The following KALRN variants were observed in gnomAD, a reference collection of about 807,000 sequenced individuals.
The protein encoded by KALRN is kalirin.
Under a neutral mutation model 353.7 loss-of-function variants are expected in KALRN, and 70 were observed. The observed-to-expected ratio is 0.20, with a 90% CI of 0.16 to 0.24. The LOEUF is 0.24. Ranked by LOEUF, KALRN falls within the 10% of genes least tolerant of loss-of-function variation. KALRN has a pLI of 1.00. For synonymous variants in KALRN, 1,391 were observed against 1,434.8 expected, an observed-to-expected ratio of 0.97 and a Z score of 0.69; for missense variants, 2,791 against 3,756.7, an observed-to-expected ratio of 0.74 and a Z score of 6.72.
At chr3:124,678,522 T>C (rs1559836741) in intron 50 of KALRN, 3 of 406,044 alleles carry the variant, frequency 7.4e-6, no homozygotes, top group Non-Finnish European at 8.8e-6. Context: ...AGTAAGTACC[T>C]TTTTTTTCTT....
rs541682796 is a variant in KALRN at position 124,267,287 on chromosome 3, G to T, written c.457-1456G>T. ...GAAGGAGAAAGTACTTTGGAATAGG[G>T]TTTCTCAAGTTTAATGCACACAAAT... is the stretch of plus-strand genomic sequence containing the variant. On this transcript the variant is annotated intron_variant, in intron 4 of 59. Transcript: ENST00000682506. Among the ~76,000 whole-genome samples, 17 of 152,280 alleles carry T rather than the reference G, an allele frequency of 1.1e-4. No homozygotes were observed. The South Asian group carries it at 2.7e-3, about 24-fold the overall frequency.
Position 124,674,433 on chromosome 3 carries a change from A to T in KALRN, c.7012A>T (p.Asn2338Tyr). 1.2e-6 allele frequency: 2 copies of T among 1,613,972 alleles called. No homozygotes were observed. Among genetic ancestry groups the T allele is most frequent in the Non-Finnish European group, 1.7e-6 (2 of 1,180,000 alleles). ...CAAAGATTACTATGCACTGAAGGAG[A>T]ATGAAATCTGTGTGAGCCAAGGTGA... The part of the protein sequence containing the change: ...VIKDYYALKE[N>Y]EICVSQGEVV... The change falls in exon 49 of 60, where the codon AAT (asparagine) becomes TAT (tyrosine). Residue 2338 changes from asparagine (N) to tyrosine (Y), a missense_variant. By Grantham distance (143) the Asn-to-Tyr change is moderately radical (BLOSUM62 -2). Coordinates refer to ENST00000682506, the MANE Select transcript of KALRN (RefSeq NM_001388419.1).
At chr3:124,320,759 C>A (rs2079249133) in intron 6 of KALRN, among the ~76,000 whole-genome samples, 2 of 152,184 alleles carry the variant, frequency 1.3e-5, no homozygotes, top group South Asian at 2.1e-4. Flanking sequence ...TTGGCTGATT[C>A]TGAATCCTCT....
At chr3:124,526,864 A>G (rs527557191) in intron 33 of KALRN, among the ~76,000 whole-genome samples, 1 of 152,326 alleles carries the variant, frequency 6.6e-6, no homozygotes, top group South Asian at 2.1e-4. Context: ...GTGACTCTCA[A>G]GAAGTACTGG....
chr3:124,501,444 C>G (rs990443969), intron 33 of KALRN, among the ~76,000 whole-genome samples: 1 of 152,066 alleles, frequency 6.6e-6, no homozygotes, highest in Non-Finnish European at 1.5e-5. Flanking sequence ...GGGTCATGAC[C>G]AAGATTTTGT....
At chr3:124,534,898 C>A (rs141189092) in intron 33 of KALRN, among the ~76,000 whole-genome samples, 73 of 152,242 alleles carry the variant, frequency 4.8e-4, no homozygotes, top group African/African-American at 1.4e-3. Flanking sequence ...GCGAACCCTG[C>A]AAATACCCCA....
intron 13 of KALRN, among the ~76,000 whole-genome samples, chr3:124,404,247 T>C (rs1316651042): frequency 1.3e-5 from 2 of 152,192 alleles, no homozygotes; most frequent in Non-Finnish European, 2.9e-5. Flanking sequence ...TCTTTTCCTT[T>C]ATCTGAAAAA....
intron 44 of KALRN, among the ~76,000 whole-genome samples, chr3:124,661,300 C>A (rs2084852877): frequency 6.6e-6 from 1 of 152,202 alleles, no homozygotes; most frequent in African/African-American, 2.4e-5. Context: ...CCTCAGTATG[C>A]AATTTTATTC....
At chr3:124,117,382 A>G (rs1352071910) in intron 1 of KALRN, among the ~76,000 whole-genome samples, 2 of 151,644 alleles carry the variant, frequency 1.3e-5, no homozygotes, top group East Asian at 1.9e-4. Context: ...TTTTATATTT[A>G]AATAACTAAA....
At chr3:124,693,707 TA>T in intron 51 of KALRN, 96 bp from the exon 52 acceptor site, 1 of 773,822 alleles carries the variant, frequency 1.3e-6, no homozygotes, top group Non-Finnish European at 2.1e-6. Flanking sequence ...CTCATCTCCC[TA>T]AATTGTACTT....
At chr3:124,568,674 A>G (rs913340695) in intron 34 of KALRN, among the ~76,000 whole-genome samples, 3 of 152,246 alleles carry the variant, frequency 2.0e-5, no homozygotes, top group African/African-American at 7.2e-5. Flanking sequence ...AAGTTAGGAA[A>G]TTCTAACACA....
At chr3:124,212,302 C>A (rs946081924) in intron 1 of KALRN, among the ~76,000 whole-genome samples, 2 of 151,698 alleles carry the variant, frequency 1.3e-5, no homozygotes, top group Middle Eastern at 3.4e-3. Flanking sequence ...CATCAAATCA[C>A]TATTTCAGAA....
intron 34 of KALRN, among the ~76,000 whole-genome samples, chr3:124,588,243 C>G (rs1013928795): frequency 6.6e-6 from 1 of 152,174 alleles, no homozygotes; most frequent in African/African-American, 2.4e-5. Context: ...ATGTCACACT[C>G]TGTGGGGAGT....
chr3:124,708,172 G>A (rs1313564232), intron 57 of KALRN, among the ~76,000 whole-genome samples: 1 of 152,208 alleles, frequency 6.6e-6, no homozygotes, highest in Non-Finnish European at 1.5e-5. Flanking sequence ...AACTCCTCCA[G>A]AGGATTTTAA....
intron 3 of KALRN, among the ~76,000 whole-genome samples, chr3:124,256,734 G>A (rs1430858223): frequency 2.0e-5 from 3 of 152,186 alleles, no homozygotes; most frequent in African/African-American, 7.2e-5. Context: ...GTGGGCATCA[G>A]GTGTGGGCAG....
chr3:124,299,048 G>A, intron 6 of KALRN, 135 bp downstream of exon 6: 1 of 1,180,128 alleles, frequency 8.5e-7, no homozygotes, highest in Non-Finnish European at 1.2e-6. Flanking sequence ...CCATTTGTTG[G>A]AATGGGGATG....
At chr3:124,082,411 T>G in intron 1 of KALRN, 1 of 414,458 alleles carries the variant, frequency 2.4e-6, no homozygotes, top group Non-Finnish European at 5.0e-6. Context: ...TACAACCAAG[T>G]AATTCTTCTC....
At chr3:124,660,680 CAAAAAAAAA>C (rs5852424) in intron 43 of KALRN, among the ~76,000 whole-genome samples, 1 of 93,802 alleles carries the variant, frequency 1.1e-5, no homozygotes, top group African/African-American at 4.1e-5. Flanking sequence ...GACTATGTCT[CAAAAAAAAA>C]AAAAAAAAGG....
intron 16 of KALRN, among the ~76,000 whole-genome samples, chr3:124,431,059 T>G (rs1356169924): frequency 1.3e-5 from 2 of 152,310 alleles, no homozygotes; most frequent in Non-Finnish European, 2.9e-5. Context: ...GGTACATTGG[T>G]TTTTTTATAC....
Sources: gnomAD v4.1 joint callset for allele counts (sites outside exome capture counted in the v4.1 genomes callset) on GRCh38, gnomAD v4.1.1 for gene constraint, MANE v1.5 for transcripts, NCBI Gene and HGNC (gene_info 2026-07-23, HGNC 2026-07-21) for gene names.